MECOM: variants seen among roughly 807,000 people sequenced by gnomAD.
The protein encoded by MECOM is MDS1 and EVI1 complex locus.
Under a neutral mutation model 116.3 loss-of-function variants are expected in MECOM, and 13 were observed. The ratio of observed to expected loss-of-function variants is 0.11; its 90% CI spans 0.07 to 0.18. The LOEUF (loss-of-function observed/expected upper bound fraction) is 0.18, where lower values mean the gene tolerates loss of function less well. Ranked by LOEUF, MECOM falls within the 10% of genes least tolerant of loss-of-function variation. The probability of loss-of-function intolerance (pLI) is 1.00; values close to 1 mark genes in which losing one functional copy is unlikely to be tolerated. For missense variants in MECOM, 1,299 were observed against 1,509.0 expected, an observed-to-expected ratio of 0.86 and a Z score of 2.31; for synonymous variants, 528 against 535.2, an observed-to-expected ratio of 0.99 and a Z score of 0.19.
intron 1 of MECOM, among the ~76,000 whole-genome samples, chr3:169,619,624 C>T (rs899206728): frequency 1.3e-5 from 2 of 152,034 alleles, no homozygotes; most frequent in African/African-American, 4.8e-5. Flanking sequence ...ACCACACAGC[C>T]CTTACCTTGT....
intron 2 of MECOM, among the ~76,000 whole-genome samples, chr3:169,368,409 G>A (rs762961556): frequency 6.6e-6 from 1 of 152,016 alleles, no homozygotes; most frequent in Non-Finnish European, 1.5e-5. Context: ...ACTTTGAGAT[G>A]TTAAGATACT....
intron 1 of MECOM, among the ~76,000 whole-genome samples, chr3:169,404,052 G>A (rs757665026): frequency 6.6e-6 from 1 of 152,134 alleles, no homozygotes; most frequent in Admixed American, 6.5e-5. Flanking sequence ...ATCAGTCATT[G>A]TTGAGCAACC....
chr3:169,544,331 T>C (rs559315615), intron 1 of MECOM, among the ~76,000 whole-genome samples: 1 of 152,150 alleles, frequency 6.6e-6, no homozygotes, highest in Non-Finnish European at 1.5e-5. Context: ...GATTAAAAAG[T>C]CAGACTTTCA....
chr3:169,331,493 C>T (rs192377999), intron 2 of MECOM, among the ~76,000 whole-genome samples: 67 of 152,188 alleles, frequency 4.4e-4, no homozygotes, highest in Non-Finnish European at 7.7e-4. Flanking sequence ...ATAATAAAAA[C>T]TTGAAAACAA....
chr3:169,614,457 T>C (rs920128013), intron 1 of MECOM, among the ~76,000 whole-genome samples: 1 of 152,194 alleles, frequency 6.6e-6, no homozygotes, highest in African/African-American at 2.4e-5. Flanking sequence ...AAGGAAACTC[T>C]GGACTTCAAA....
At chr3:169,397,135 G>T (rs1735140773) in intron 1 of MECOM, among the ~76,000 whole-genome samples, 1 of 152,072 alleles carries the variant, frequency 6.6e-6, no homozygotes, top group Admixed American at 6.5e-5. Context: ...TTATGAAATG[G>T]TTCATGATCA....
chr3:169,330,556 A>G (rs950174652), intron 2 of MECOM, among the ~76,000 whole-genome samples: 84 of 152,314 alleles, frequency 5.5e-4, no homozygotes, highest in African/African-American at 1.7e-3. Context: ...AGCAAATAAC[A>G]ATCTTAATAA....
intron 2 of MECOM, among the ~76,000 whole-genome samples, chr3:169,167,302 C>T (rs182208162): frequency 6.6e-6 from 1 of 152,318 alleles, no homozygotes; most frequent in African/African-American, 2.4e-5. Flanking sequence ...ACCCCCTGTG[C>T]CTTCTCCTCC....
At position 169,084,983 on chromosome 3, in the gene MECOM, A is replaced by T. The variant is rs1717176143; in HGVS notation, c.3646T>A (p.Ser1216Thr). ...KESLHSTSHSSSNVWHSMARA... is the reference protein window; with the variant it reads ...KESLHSTSHSTSNVWHSMARA... ...GCCATACTGTGCCACACGTTGGAAG[A>T]ACTGTGGGATGTAGAATGGAGGGAC... Residue 1216 changes from serine to threonine, a missense_variant, in exon 17 of 17, where the codon TCT (serine) becomes ACT (threonine). Transcript: ENST00000651503. 1.2e-6 allele frequency: 2 copies of T among 1,614,142 alleles called. No homozygotes were observed. The highest frequency in any genetic ancestry group is 1.7e-6 in the Non-Finnish European group (2 of 1,180,002).
At chr3:169,380,346 T>G (rs1732187949) in intron 2 of MECOM, among the ~76,000 whole-genome samples, 1 of 152,154 alleles carries the variant, frequency 6.6e-6, no homozygotes, top group African/African-American at 2.4e-5. Flanking sequence ...AATTATGATG[T>G]AATGATTCAA....
intron 1 of MECOM, among the ~76,000 whole-genome samples, chr3:169,511,897 T>TA (rs1425733896): frequency 6.6e-6 from 1 of 152,230 alleles, no homozygotes; most frequent in Non-Finnish European, 1.5e-5. Context: ...CTAAATAACT[T>TA]AGATTCTTTT....
rs140917332 is a variant in MECOM at position 169,588,726 on chromosome 3, C to T, written c.37+74610G>A. 3.2e-4 allele frequency among the ~76,000 whole-genome samples: 49 copies of T among 152,248 alleles called. 1 individual carries two copies. The East Asian group carries it at 7.1e-3, about 22-fold the overall frequency. On this transcript the variant is annotated intron_variant, in intron 1 of 16. Coordinates refer to ENST00000651503, the MANE Select transcript of MECOM (RefSeq NM_004991.4). The stretch of plus-strand genomic sequence containing the variant: ...TTTAGAACTCACAGTTTCCACACTT[C>T]GTACGTTTTCCACAGTTAATTAATC...
At chr3:169,187,539 A>C (rs967790280) in intron 2 of MECOM, among the ~76,000 whole-genome samples, 55 of 152,262 alleles carry the variant, frequency 3.6e-4, no homozygotes, top group East Asian at 1.9e-4. Flanking sequence ...TTCTGAACAG[A>C]ACCCTAAAAA....
At chr3:169,348,902 T>G (rs1373982596) in intron 2 of MECOM, among the ~76,000 whole-genome samples, 1 of 151,990 alleles carries the variant, frequency 6.6e-6, no homozygotes, top group Admixed American at 6.6e-5. Flanking sequence ...CATATTTGGG[T>G]ACTTTTATTT....
At chr3:169,192,076 A>G (rs1747777257) in intron 2 of MECOM, among the ~76,000 whole-genome samples, 1 of 152,008 alleles carries the variant, frequency 6.6e-6, no homozygotes, top group South Asian at 2.1e-4. Flanking sequence ...CTGTTAAGGA[A>G]CCTAAAAATG....
At chr3:169,261,806 G>A (rs1425375599) in intron 2 of MECOM, among the ~76,000 whole-genome samples, 1 of 152,208 alleles carries the variant, frequency 6.6e-6, no homozygotes, top group Non-Finnish European at 1.5e-5. Flanking sequence ...CAGTGATACA[G>A]TGCCCGTGGT....
intron 12 of MECOM, 32 bp downstream of exon 12, chr3:169,100,853 A>T (rs765805846): frequency 7.8e-7 from 1 of 1,283,988 alleles, no homozygotes; most frequent in African/African-American, 1.5e-5. Flanking sequence ...TACAATATTT[A>T]TCAAGATATT....
chr3:169,633,914 A>C (rs944813785), intron 1 of MECOM, among the ~76,000 whole-genome samples: 8 of 139,634 alleles, frequency 5.7e-5, no homozygotes, highest in African/African-American at 1.6e-4. Flanking sequence ...AAAAAAAAAA[A>C]AAAACAAAAA....
rs568030652 is a variant in MECOM at position 169,426,950 on chromosome 3, A to G, written c.38-45426T>C. Among the ~76,000 whole-genome samples, 4 of 152,290 alleles carry G rather than the reference A, an allele frequency of 2.6e-5. No individual in the cohort carries two copies. In the East Asian group the frequency reaches 5.8e-4, roughly 22 times the overall value. ...TGACAACCCTATTAGGTAGAAATTA[A>G]TCAACCCCCAATTTACAAATGAGGA... On this transcript the variant is annotated intron_variant, in intron 1 of 16. Coordinates refer to ENST00000651503, the MANE Select transcript of MECOM (RefSeq NM_004991.4).
Sources: gnomAD v4.1 joint callset for allele counts (sites outside exome capture counted in the v4.1 genomes callset) on GRCh38, gnomAD v4.1.1 for gene constraint, MANE v1.5 for transcripts, NCBI Gene and HGNC (gene_info 2026-07-23, HGNC 2026-07-21) for gene names.